The following NBEA variants were observed in gnomAD, a reference collection of about 807,000 sequenced individuals.
NBEA encodes the protein lysosomal-trafficking regulator 2.
A neutral mutation model predicts 343.4 loss-of-function variants in NBEA; 44 were observed. The ratio of observed to expected loss-of-function variants is 0.13; its 90% CI spans 0.10 to 0.16. NBEA has a LOEUF of 0.16. Among genes scored for constraint, NBEA ranks in the 10% least tolerant of loss-of-function variants. NBEA has a pLI of 1.00. For synonymous variants in NBEA, 1,175 were observed against 1,238.7 expected, an observed-to-expected ratio of 0.95 and a Z score of 1.08; for missense variants, 2,555 against 3,631.3, an observed-to-expected ratio of 0.70 and a Z score of 7.62.
chr13:34,957,053 A>C (rs1194652832), intron 1 of NBEA, among the ~76,000 whole-genome samples: 1 of 151,326 alleles, frequency 6.6e-6, no homozygotes, highest in Non-Finnish European at 1.5e-5. Flanking sequence ...ATACACACAC[A>C]CATATATACA....
chr13:35,043,198 G>A (rs1408396975), intron 2 of NBEA, among the ~76,000 whole-genome samples: 3 of 150,528 alleles, frequency 2.0e-5, no homozygotes, highest in African/African-American at 7.3e-5. Flanking sequence ...AAGACCTTCT[G>A]TAATAGAATT....
chr13:35,645,850 C>T lies in NBEA; in HGVS notation c.7618-19C>T. 6.7e-7 allele frequency: 1 copy of T among 1,501,128 alleles called. No individual in the cohort carries two copies. The highest frequency in any genetic ancestry group is 9.1e-7 in the Non-Finnish European group (1 of 1,099,374). The allele number at this position is 1,501,128 out of a possible 1,614,324, so 93.0% of individuals were successfully genotyped here. On this transcript the variant is annotated intron_variant, in intron 49 of 58. Coordinates refer to ENST00000379939, the MANE Select transcript of NBEA (RefSeq NM_001385012.1). ...TAATTGGTAGACTTCATGTCTCATT[C>T]TTTTTTTTCCCCATTAAGATTCCAG...
chr13:35,645,887 A>G lies in NBEA; in HGVS notation c.7636A>G (p.Ile2546Val). ...CATTAAGATTCCAGAAGCTTATTTC[A>G]TTAGAGACCCCCACACTTTCCTTCT... ...VLREIPEAYF[I>V]RDPHTFLLTK... is the part of the protein sequence containing the mutation. Residue 2546 changes from isoleucine (I) to valine (V), a missense_variant, in exon 50 of 59, where the codon ATT becomes GTT. Physicochemically the swap from Ile to Val is conservative, Grantham distance 29. Transcript: ENST00000379939. 2 of 1,576,748 alleles carry G rather than the reference A, an allele frequency of 1.3e-6. No homozygotes were observed. The highest frequency in any genetic ancestry group is 4.5e-5 in the East Asian group (2 of 44,364).
Position 35,050,395 on chromosome 13 carries a change from G to A in NBEA, c.972G>A (p.Lys324=). Residue 324 remains lysine, a splice_region_variant and synonymous_variant, in exon 6 of 59, where the codon AAG becomes AAA. Coordinates refer to ENST00000379939, the MANE Select transcript of NBEA (RefSeq NM_001385012.1). ...TGAAATATGATTTTCAACCACGCAAGGTAGGTAAAAGTAAATATTTTTATA... is the reference window on the plus strand; with the variant it reads ...TGAAATATGATTTTCAACCACGCAAAGTAGGTAAAAGTAAATATTTTTATA... ...HCVKYDFQPR[K]WYMISIVHIY... 1 of 1,606,562 alleles carries A rather than the reference G, an allele frequency of 6.2e-7. No individual in the cohort carries two copies. Among genetic ancestry groups the A allele is most frequent in the Non-Finnish European group, 8.5e-7 (1 of 1,176,670 alleles).
chr13:35,422,634 C>T (rs2044369227), intron 38 of NBEA, among the ~76,000 whole-genome samples: 1 of 152,138 alleles, frequency 6.6e-6, no homozygotes, highest in African/African-American at 2.4e-5. Flanking sequence ...TTTATAGCAG[C>T]ATGATTTATA....
chr13:35,511,629 C>T (rs560333163), intron 41 of NBEA, among the ~76,000 whole-genome samples: 1 of 152,204 alleles, frequency 6.6e-6, no homozygotes, highest in East Asian at 1.9e-4. Context: ...GTAGATATCT[C>T]TCTATATATG....
chr13:35,421,154 G>C (rs1279757475), intron 38 of NBEA, among the ~76,000 whole-genome samples: 2 of 151,782 alleles, frequency 1.3e-5, no homozygotes, highest in Non-Finnish European at 2.9e-5. Context: ...TACTTTACTT[G>C]TGTCCAACAA....
chr13:35,299,778 G>C (rs1389080870), intron 35 of NBEA, among the ~76,000 whole-genome samples: 4 of 152,176 alleles, frequency 2.6e-5, no homozygotes, highest in Non-Finnish European at 5.9e-5. Flanking sequence ...TGTAAGATAA[G>C]ACTTTAAAAT....
chr13:35,425,337 C>G (rs1224010599), intron 38 of NBEA, among the ~76,000 whole-genome samples: 4 of 152,110 alleles, frequency 2.6e-5, no homozygotes, highest in Admixed American at 6.6e-5. Flanking sequence ...AGAGATTCTG[C>G]TATGTTGTGT....
intron 39 of NBEA, among the ~76,000 whole-genome samples, chr13:35,433,382 CTTTTA>C (rs1183592141): frequency 2.0e-5 from 3 of 151,834 alleles, no homozygotes; most frequent in Non-Finnish European, 4.4e-5. Flanking sequence ...TATTAATTTT[CTTTTA>C]TTTGGGAGTA....
chr13:35,019,954 G>C (rs933596837), intron 1 of NBEA, among the ~76,000 whole-genome samples: 1 of 152,122 alleles, frequency 6.6e-6, no homozygotes, highest in Non-Finnish European at 1.5e-5. Flanking sequence ...ATAAATTACA[G>C]AACTAACCAA....
intron 41 of NBEA, among the ~76,000 whole-genome samples, chr13:35,526,974 C>G (rs1257881652): frequency 1.3e-5 from 2 of 152,076 alleles, no homozygotes; most frequent in African/African-American, 4.8e-5. Flanking sequence ...ACAACCATGG[C>G]TCAGGGAGCC....
At chr13:35,253,817 A>G (rs553130348) in intron 34 of NBEA, among the ~76,000 whole-genome samples, 6 of 152,090 alleles carry the variant, frequency 3.9e-5, no homozygotes, top group South Asian at 2.1e-4. Context: ...CTATACTTCT[A>G]TACGTTTTTG....
At chr13:35,318,806 C>T (rs186091582) in intron 36 of NBEA, among the ~76,000 whole-genome samples, 9 of 152,038 alleles carry the variant, frequency 5.9e-5, no homozygotes, top group African/African-American at 2.2e-4. Flanking sequence ...TTCAGGGATT[C>T]GACTTCTTCC....
chr13:35,004,353 C>T (rs1188440912), intron 1 of NBEA, among the ~76,000 whole-genome samples: 2 of 152,044 alleles, frequency 1.3e-5, no homozygotes, highest in Non-Finnish European at 2.9e-5. Context: ...GGAATTGCCA[C>T]GGTGTTATAT....
At chr13:35,295,540 A>G (rs2152821544) in intron 35 of NBEA, among the ~76,000 whole-genome samples, 1 of 152,330 alleles carries the variant, frequency 6.6e-6, no homozygotes, top group South Asian at 2.1e-4. Context: ...GTCCTAAAGT[A>G]TAAATAAAAG....
At chr13:35,524,068 T>C (rs2077850802) in intron 41 of NBEA, among the ~76,000 whole-genome samples, 1 of 152,198 alleles carries the variant, frequency 6.6e-6, no homozygotes, top group African/African-American at 2.4e-5. Flanking sequence ...CCTAAGACAA[T>C]GACATTAACC....
chr13:35,472,346 G>A lies in NBEA; in HGVS notation c.6449-54G>A. 2.5e-6 allele frequency: 4 copies of A among 1,578,714 alleles called. No individual in the cohort carries two copies. The South Asian group carries it at 3.4e-5, about 13-fold the overall frequency. On this transcript the variant is annotated intron_variant, in intron 40 of 58. Coordinates refer to ENST00000379939, the MANE Select transcript of NBEA (RefSeq NM_001385012.1). ...AAACCTCTGGTACCTTTCTGGGAGG[G>A]AGCAGGAAGGGCCACAGGGGCTCAG...
chr13:35,154,179 A>C (rs2068991974), intron 18 of NBEA, among the ~76,000 whole-genome samples: 1 of 152,196 alleles, frequency 6.6e-6, no homozygotes, highest in Non-Finnish European at 1.5e-5. Flanking sequence ...TTTTATGAAC[A>C]TTCCTAATAT....
Sources: allele counts gnomAD v4.1 joint callset (sites outside exome capture counted in the v4.1 genomes callset), GRCh38; gene constraint gnomAD v4.1.1; transcripts MANE v1.5; gene names NCBI Gene and HGNC (gene_info 2026-07-23, HGNC 2026-07-21).